Variants in POLA1 observed in about 807,000 individuals in gnomAD.
POLA1 encodes DNA polymerase alpha catalytic subunit.
In POLA1, 15 loss-of-function variants were observed where a neutral mutation model predicts 124.0. That is an observed-to-expected ratio of 0.12 (90% CI 0.08 to 0.19). POLA1 has a LOEUF of 0.19. Among genes scored for constraint, POLA1 ranks in the 10% least tolerant of loss-of-function variants. The pLI is 1.00. For missense variants in POLA1, 886 were observed against 1,103.4 expected (o/e 0.80, Z 2.79); for synonymous variants, 408 against 389.4 (o/e 1.05, Z -0.56).
chrX:24,908,972 T>G (rs1216836346), intron 35 of POLA1, among the ~76,000 whole-genome samples: 1 of 112,338 alleles, frequency 8.9e-6, no homozygotes, highest in Non-Finnish European at 1.9e-5. Flanking sequence ...GATTTGCATT[T>G]CTGTGATGGC....
At chrX:24,879,813 A>G (rs369342717) in intron 34 of POLA1, among the ~76,000 whole-genome samples, 1 of 111,911 alleles carries the variant, frequency 8.9e-6, no homozygotes, top group Non-Finnish European at 1.9e-5. Context: ...AATTTTCCAT[A>G]TAAAGTCTTT....
At chrX:24,960,649 A>G (rs2048158722) in intron 36 of POLA1, among the ~76,000 whole-genome samples, 1 of 112,196 alleles carries the variant, frequency 8.9e-6, no homozygotes, top group African/African-American at 3.2e-5. Flanking sequence ...GTTGGATACA[A>G]TGACCCTCCA....
chrX:24,759,161 A>G (rs1339140973), intron 26 of POLA1, among the ~76,000 whole-genome samples: 1 of 112,132 alleles, frequency 8.9e-6, no homozygotes, highest in Admixed American at 9.4e-5. Flanking sequence ...TTAAAATTCC[A>G]GGGCTTCTTT....
intron 31 of POLA1, among the ~76,000 whole-genome samples, chrX:24,825,763 A>G (rs1256182823): frequency 8.9e-6 from 1 of 112,120 alleles, no homozygotes; most frequent in African/African-American, 3.2e-5. Flanking sequence ...AAATGATACC[A>G]AATGACATGC....
chrX:24,699,753 A>G (rs1297938047), intron 2 of POLA1, among the ~76,000 whole-genome samples: 1 of 110,476 alleles, frequency 9.1e-6, no homozygotes, highest in Admixed American at 9.8e-5. Flanking sequence ...AAGTTCCTAT[A>G]AGGTATTTTA....
intron 35 of POLA1, among the ~76,000 whole-genome samples, chrX:24,901,383 G>A (rs1000268488): frequency 9.0e-6 from 1 of 111,078 alleles, no homozygotes. Flanking sequence ...AAGATAGGAG[G>A]GTGCTTGGCA....
At position 24,959,877 on chromosome X, in the gene POLA1, ATAT is replaced by A. The variant is rs927075124; in HGVS notation, c.4261+29335_4261+29337del. ...CAGAATGGCATATATGGCTTACATT[ATAT>A]TATTATATTTCTACTGGGCCGCACT... On this transcript the variant is annotated intron_variant, in intron 36 of 36. Transcript: ENST00000379068. Among the ~76,000 whole-genome samples the A allele has an allele frequency of 3.6e-5, 4 of 111,551 alleles. No individual in the cohort carries two copies. In the Admixed American group the frequency reaches 3.8e-4, roughly 11 times the overall value.
intron 26 of POLA1, among the ~76,000 whole-genome samples, chrX:24,769,701 G>A (rs1161227334): frequency 1.8e-5 from 2 of 111,479 alleles, no homozygotes; most frequent in Non-Finnish European, 3.8e-5. Flanking sequence ...CTCCTCATTA[G>A]ATTCAGATTG....
intron 35 of POLA1, among the ~76,000 whole-genome samples, chrX:24,889,551 T>G (rs1390089526): frequency 8.9e-6 from 1 of 112,677 alleles, no homozygotes; most frequent in African/African-American, 3.2e-5. Context: ...AGGTTTTTAG[T>G]GAGAAGAAGG....
At chrX:24,702,348 C>T (rs1191707888) in intron 2 of POLA1, among the ~76,000 whole-genome samples, 1 of 112,924 alleles carries the variant, frequency 8.9e-6, no homozygotes, top group Non-Finnish European at 1.9e-5. Flanking sequence ...GGATTACAGG[C>T]GTGAGCCACT....
intron 26 of POLA1, among the ~76,000 whole-genome samples, chrX:24,761,950 A>G (rs1338991147): frequency 1.8e-5 from 2 of 112,058 alleles, no homozygotes; most frequent in Admixed American, 1.9e-4. Context: ...AAGAGAAAGG[A>G]CCTGTTGTAG....
chrX:24,792,564 C>G (rs2045521611), intron 26 of POLA1, among the ~76,000 whole-genome samples: 1 of 111,997 alleles, frequency 8.9e-6, no homozygotes, highest in Non-Finnish European at 1.9e-5. Context: ...ATAAGGCATG[C>G]CAAATAAGAA....
intron 34 of POLA1, among the ~76,000 whole-genome samples, chrX:24,870,679 G>A (rs2046852657): frequency 9.0e-6 from 1 of 111,589 alleles, no homozygotes; most frequent in Non-Finnish European, 1.9e-5. Flanking sequence ...TTTCCTAACA[G>A]CATCTCCTAA....
intron 32 of POLA1, among the ~76,000 whole-genome samples, chrX:24,839,051 T>C (rs2046377469): frequency 8.9e-6 from 1 of 112,214 alleles, no homozygotes; most frequent in African/African-American, 3.2e-5. Flanking sequence ...TTTTTTAACA[T>C]GACATTGTAT....
At chrX:24,944,030 ATTTAT>A (rs1267974266) in intron 36 of POLA1, among the ~76,000 whole-genome samples, 3 of 112,287 alleles carry the variant, frequency 2.7e-5, no homozygotes, top group Non-Finnish European at 5.6e-5. Flanking sequence ...AAGCCTCTTA[ATTTAT>A]TTTGAGAATA....
intron 19 of POLA1, 103 bp downstream of exon 19, chrX:24,737,844 A>G: frequency 2.4e-6 from 1 of 409,271 alleles, no homozygotes; most frequent in Non-Finnish European, 4.3e-6. Context: ...TTATCTTGTT[A>G]TGGGAACTTC....
At chrX:24,935,624 A>G (rs548200461) in intron 36 of POLA1, among the ~76,000 whole-genome samples, 5 of 112,298 alleles carry the variant, frequency 4.5e-5, no homozygotes, top group African/African-American at 1.6e-4. Flanking sequence ...CTTGAGCCTC[A>G]TATGCTTTCT....
chrX:24,971,317 A>G (rs1291286393), intron 36 of POLA1, among the ~76,000 whole-genome samples: 1 of 112,372 alleles, frequency 8.9e-6, no homozygotes, highest in Non-Finnish European at 1.9e-5. Flanking sequence ...ACCTGCTTTC[A>G]GTGCAGACTG....
chrX:24,732,452 G>A lies in POLA1; in HGVS notation c.1769G>A (p.Cys590Tyr). The A allele has an allele frequency of 8.8e-7, 1 of 1,141,252 alleles. No homozygotes were observed. Among genetic ancestry groups the A allele is most frequent in the African/African-American group, 1.8e-5 (1 of 56,370 alleles). The allele number at this position is 1,141,252 out of a possible 1,213,427, so 94.1% of individuals were successfully genotyped here. ...AAGCCTCCCTTTCAGTCACACTTCTGTGGTATGTATTTTTTTTTAAGCTGG... is the reference window on the plus strand; with the variant it reads ...AAGCCTCCCTTTCAGTCACACTTCTATGGTATGTATTTTTTTTTAAGCTGG... ...APKPPFQSHF[C>Y]VVSKPKDCIF... is the part of the protein sequence containing the mutation. Residue 590 changes from cysteine to tyrosine, a missense_variant and splice_region_variant, in exon 16 of 37, where the codon TGT becomes TAT. This residue lies in a region of POLA1 where 337 missense variants were observed against 402.8 expected (regional missense o/e 0.84). Coordinates refer to ENST00000379068, the MANE Select transcript of POLA1 (RefSeq NM_001330360.2).
Sources: allele counts gnomAD v4.1 joint callset (sites outside exome capture counted in the v4.1 genomes callset), GRCh38; gene constraint gnomAD v4.1.1; regional missense constraint gnomAD v4.1.1; transcripts MANE v1.5; gene names NCBI Gene and HGNC (gene_info 2026-07-23, HGNC 2026-07-21).